The following DPP10 variants were observed in gnomAD, a reference collection of about 807,000 sequenced individuals.
The protein encoded by DPP10 is inactive dipeptidyl peptidase 10.
In DPP10, 33 loss-of-function variants were observed where a neutral mutation model predicts 120.9. The observed-to-expected ratio is 0.27, with a 90% CI of 0.21 to 0.37. The LOEUF is 0.37. DPP10 is among the 10% of genes least tolerant of loss of function. The pLI, the probability that DPP10 is intolerant of heterozygous loss-of-function variation, is 1.00. For synonymous variants in DPP10, 337 were observed against 326.1 expected, an observed-to-expected ratio of 1.03 and a Z score of -0.36; for missense variants, 816 against 942.8, an observed-to-expected ratio of 0.87 and a Z score of 1.76.
intron 3 of DPP10, among the ~76,000 whole-genome samples, chr2:115,423,437 A>T (rs907614812): frequency 6.6e-6 from 1 of 152,160 alleles, no homozygotes; most frequent in South Asian, 2.1e-4. Flanking sequence ...TGACAAAGCC[A>T]TGTTTTATAT....
At chr2:115,832,303 G>A (rs1689006861) in intron 21 of DPP10, among the ~76,000 whole-genome samples, 1 of 152,130 alleles carries the variant, frequency 6.6e-6, no homozygotes, top group African/African-American at 2.4e-5. Context: ...AGCCTGGGCA[G>A]CCATGGCAAA....
intron 5 of DPP10, among the ~76,000 whole-genome samples, chr2:115,684,724 C>T (rs1245823490): frequency 1.3e-5 from 2 of 151,880 alleles, no homozygotes; most frequent in Non-Finnish European, 2.9e-5. Flanking sequence ...TTAAGCTGAA[C>T]TCTCCTTGAC....
chr2:115,612,736 T>C (rs2084203692), intron 5 of DPP10, among the ~76,000 whole-genome samples: 1 of 152,306 alleles, frequency 6.6e-6, no homozygotes, highest in African/African-American at 2.4e-5. Context: ...AGACTAATAA[T>C]ACTGCTCTCA....
chr2:115,806,035 C>T (rs2149998740), intron 19 of DPP10, among the ~76,000 whole-genome samples: 1 of 152,192 alleles, frequency 6.6e-6, no homozygotes, highest in Admixed American at 6.5e-5. Flanking sequence ...AACTCAGCAA[C>T]AATGTGCCAT....
At chr2:115,408,318 C>A (rs1260638630) in intron 3 of DPP10, among the ~76,000 whole-genome samples, 2 of 152,038 alleles carry the variant, frequency 1.3e-5, no homozygotes, top group Non-Finnish European at 2.9e-5. Flanking sequence ...AGTGCGCAGG[C>A]GGGCATTATT....
intron 11 of DPP10, among the ~76,000 whole-genome samples, chr2:115,760,033 CAA>C (rs199841053): frequency 6.7e-6 from 1 of 149,674 alleles, no homozygotes; most frequent in Non-Finnish European, 1.5e-5. Flanking sequence ...AAAAAACAAA[CAA>C]AAAAAAACCC....
intron 1 of DPP10, among the ~76,000 whole-genome samples, chr2:114,673,657 T>TC (rs1458506471): frequency 6.6e-6 from 1 of 152,132 alleles, no homozygotes; most frequent in Non-Finnish European, 1.5e-5. Flanking sequence ...GGTTTCACCA[T>TC]GTTGGCCAGG....
rs528603601 is a variant in DPP10 at position 114,687,270 on chromosome 2, A to AG, written c.60+244437dup. Among the ~76,000 whole-genome samples, 169 of 151,952 alleles carry AG rather than the reference A, an allele frequency of 1.1e-3. 1 individual carries two copies. Among genetic ancestry groups the AG allele is most frequent in the African/African-American group, 3.9e-3 (161 of 41,500 alleles). On this transcript the variant is annotated intron_variant, in intron 1 of 25. Transcript: ENST00000410059. ...GCATTATTCTTTCTGGCTGCACCTG[A>AG]GGGGGTCTTTAGGAAAGACTCCCTG...
chr2:115,528,891 GACA>G (rs1208367200), intron 5 of DPP10, among the ~76,000 whole-genome samples: 36 of 152,132 alleles, frequency 2.4e-4, no homozygotes, highest in Admixed American at 5.9e-4. Flanking sequence ...TGTTTTATGG[GACA>G]ACAAGAGGGA....
Position 115,843,730 on chromosome 2 carries a change from T to A in DPP10, c.*1385T>A, listed in dbSNP as rs1487039928. On this transcript the variant is annotated 3_prime_UTR_variant, in exon 26 of 26. Transcript: ENST00000410059. ...TTTAAGTGATGAGAACATTTAACTT[T>A]GGTGACTAAAGTCAGAATATCTTCT... is the stretch of plus-strand genomic sequence containing the variant. 1 of 152,240 alleles carries A rather than the reference T, an allele frequency of 6.6e-6. No individual in the cohort carries two copies. The highest frequency in any genetic ancestry group is 1.5e-5 in the Non-Finnish European group (1 of 68,016). 9.4% of individuals were successfully genotyped at this position (152,240 alleles called of 1,614,324 possible).
chr2:115,378,422 A>T (rs2065991239), intron 3 of DPP10, among the ~76,000 whole-genome samples: 1 of 149,660 alleles, frequency 6.7e-6, no homozygotes, highest in Admixed American at 6.6e-5. Flanking sequence ...AGACTTTGCT[A>T]AGTTGCTTAT....
intron 1 of DPP10, among the ~76,000 whole-genome samples, chr2:115,297,454 A>G (rs1226970441): frequency 6.6e-6 from 1 of 152,078 alleles, no homozygotes; most frequent in Admixed American, 6.6e-5. Flanking sequence ...GTAAAAAGCT[A>G]TTGAGAATCA....
chr2:114,874,916 A>T (rs993489524), intron 1 of DPP10, among the ~76,000 whole-genome samples: 1 of 152,088 alleles, frequency 6.6e-6, no homozygotes, highest in Non-Finnish European at 1.5e-5. Context: ...CCCTTATACT[A>T]CTAGAGAGAA....
intron 2 of DPP10, among the ~76,000 whole-genome samples, chr2:115,330,946 T>C (rs914323001): frequency 1.4e-4 from 22 of 152,148 alleles, no homozygotes; most frequent in African/African-American, 5.3e-4. Flanking sequence ...AAGGTAGTTT[T>C]TTCCAATTCT....
intron 1 of DPP10, among the ~76,000 whole-genome samples, chr2:114,801,345 G>A (rs553193958): frequency 6.6e-6 from 1 of 152,068 alleles, no homozygotes; most frequent in South Asian, 2.1e-4. Context: ...AATGATTCTA[G>A]GAGGTGTAAC....
intron 10 of DPP10, among the ~76,000 whole-genome samples, chr2:115,751,547 A>G (rs1469178959): frequency 2.0e-5 from 3 of 152,212 alleles, no homozygotes; most frequent in Non-Finnish European, 2.9e-5. Context: ...AATTGTTGAA[A>G]AAAATATTAC....
chr2:114,629,828 T>G (rs1694786556), intron 1 of DPP10, among the ~76,000 whole-genome samples: 1 of 152,198 alleles, frequency 6.6e-6, no homozygotes, highest in South Asian at 2.1e-4. Flanking sequence ...ATGTTCATAG[T>G]AACTTTTTAA....
chr2:115,461,684 T>G (rs2073993850), intron 3 of DPP10, among the ~76,000 whole-genome samples: 1 of 152,172 alleles, frequency 6.6e-6, no homozygotes, highest in Non-Finnish European at 1.5e-5. Context: ...CAATAAGGAT[T>G]AGAAAATAAA....
chr2:114,665,799 A>G (rs778267052), intron 1 of DPP10, among the ~76,000 whole-genome samples: 1 of 152,146 alleles, frequency 6.6e-6, no homozygotes, highest in Admixed American at 6.6e-5. Context: ...AACCACCTTC[A>G]CTCATAGAAA....
Sources: allele counts gnomAD v4.1 joint callset (sites outside exome capture counted in the v4.1 genomes callset), GRCh38; gene constraint gnomAD v4.1.1; transcripts MANE v1.5; gene names NCBI Gene and HGNC (gene_info 2026-07-23, HGNC 2026-07-21).